Variants in WDR41 observed in about 807,000 individuals in gnomAD.
WDR41 encodes the protein WD repeat domain 41.
WDR41 carries 63 observed loss-of-function variants against 69.3 expected under a neutral mutation model. The observed-to-expected ratio is 0.91, with a 90% CI of 0.74 to 1.12. The LOEUF is 1.12. Ranked by LOEUF, WDR41 falls within the 50% of genes most tolerant of loss-of-function variation. WDR41 has a pLI of 0.00. For missense variants in WDR41, 543 were observed against 534.5 expected (o/e 1.02, Z -0.16); for synonymous variants, 185 against 192.1 (o/e 0.96, Z 0.31).
At chr5:77,508,864 C>T (rs1334132893) in intron 1 of WDR41, among the ~76,000 whole-genome samples, 2 of 152,150 alleles carry the variant, frequency 1.3e-5, no homozygotes, top group African/African-American at 4.8e-5. Flanking sequence ...GACAGTCACC[C>T]TGGAATGACT....
In WDR41 at chr5:77,442,894, CA is replaced by C. The variant is rs60442242; in HGVS notation, c.698-1898del. On this transcript the variant is annotated intron_variant, in intron 8 of 12. Coordinates refer to ENST00000296679, the MANE Select transcript of WDR41 (RefSeq NM_018268.4). Reference sequence around the variant, plus strand: ...GCGACAGAGCGAGACTCTGTCTCCCCAAAAAAAAAAAAAAAAAAAGGATTTT... The same window carrying C: ...GCGACAGAGCGAGACTCTGTCTCCCCAAAAAAAAAAAAAAAAAAGGATTTT... 1.7e-3 allele frequency among the ~76,000 whole-genome samples: 96 copies of C among 56,264 alleles called. 1 individual carries two copies. Among genetic ancestry groups the C allele is most frequent in the African/African-American group, 4.9e-3 (49 of 9,940 alleles). 36.9% of individuals were successfully genotyped at this position (56,264 alleles called of 152,430 possible). A position where few individuals can be genotyped will look rare whatever the true frequency, so the allele number is the denominator to read the frequency against.
chr5:77,601,177 A>G (rs1262121776), intron 1 of WDR41, among the ~76,000 whole-genome samples: 1 of 152,214 alleles, frequency 6.6e-6, no homozygotes, highest in Non-Finnish European at 1.5e-5. Context: ...ACTTTGGGGA[A>G]TAGTACTATA....
At chr5:77,511,001 C>A (rs950807392) in intron 1 of WDR41, among the ~76,000 whole-genome samples, 19 of 152,132 alleles carry the variant, frequency 1.2e-4, no homozygotes, top group Non-Finnish European at 2.1e-4. Context: ...AGGTGATCCA[C>A]CTGCCTTGGC....
intron 1 of WDR41, among the ~76,000 whole-genome samples, chr5:77,567,777 T>C (rs968259925): frequency 5.3e-5 from 8 of 151,702 alleles, no homozygotes; most frequent in Non-Finnish European, 1.0e-4. Flanking sequence ...TCTGACTTAA[T>C]AGGTTTGGGT....
intron 2 of WDR41, among the ~76,000 whole-genome samples, chr5:77,467,867 C>T (rs1800373081): frequency 6.6e-6 from 1 of 151,878 alleles, no homozygotes; most frequent in Admixed American, 6.6e-5. Flanking sequence ...CCCAGAATCC[C>T]TACCACACAA....
intron 1 of WDR41, among the ~76,000 whole-genome samples, chr5:77,602,096 C>A (rs552516960): frequency 1.4e-4 from 21 of 152,038 alleles, no homozygotes; most frequent in Non-Finnish European, 3.1e-4. Context: ...ATTAACCAAC[C>A]TCTCTTCATC....
At chr5:77,581,099 G>A (rs78741209) in intron 1 of WDR41, among the ~76,000 whole-genome samples, 1 of 151,992 alleles carries the variant, frequency 6.6e-6, no homozygotes, top group Non-Finnish European at 1.5e-5. Flanking sequence ...TAAAAAATAT[G>A]ATCTACAGGA....
chr5:77,596,128 A>G (rs1035258019), intron 1 of WDR41, among the ~76,000 whole-genome samples: 2 of 152,174 alleles, frequency 1.3e-5, no homozygotes, highest in African/African-American at 4.8e-5. Context: ...TTACAATAAT[A>G]TAACATTTAA....
chr5:77,595,789 T>G (rs999583231), intron 1 of WDR41, among the ~76,000 whole-genome samples: 14 of 151,934 alleles, frequency 9.2e-5, no homozygotes, highest in African/African-American at 3.4e-4. Flanking sequence ...CTAGTGGTAG[T>G]AATTTTTTTT....
intron 2 of WDR41, among the ~76,000 whole-genome samples, chr5:77,474,653 C>T (rs942925663): frequency 1.3e-5 from 2 of 152,052 alleles, no homozygotes; most frequent in African/African-American, 2.4e-5. Flanking sequence ...ATTAACATGA[C>T]TCTAACATCT....
chr5:77,461,456 A>G (rs1800054081), intron 4 of WDR41, among the ~76,000 whole-genome samples: 1 of 152,246 alleles, frequency 6.6e-6, no homozygotes, highest in Admixed American at 6.5e-5. Context: ...TAAGAGCCTA[A>G]GAAACACCTA....
intron 2 of WDR41, among the ~76,000 whole-genome samples, chr5:77,480,883 T>A (rs968497341): frequency 6.6e-6 from 1 of 152,004 alleles, no homozygotes; most frequent in Non-Finnish European, 1.5e-5. Flanking sequence ...GTGACTTCTA[T>A]TAGGTGAACC....
chr5:77,484,993 T>C (rs940394541), intron 2 of WDR41, among the ~76,000 whole-genome samples: 1 of 152,186 alleles, frequency 6.6e-6, no homozygotes, highest in Non-Finnish European at 1.5e-5. Context: ...AGCAAGGCAA[T>C]AGTACAAAGC....
At chr5:77,553,487 G>T (rs1743335650) in intron 1 of WDR41, among the ~76,000 whole-genome samples, 1 of 151,918 alleles carries the variant, frequency 6.6e-6, no homozygotes. Context: ...ATCATAATGG[G>T]GATTAAGTTT....
At chr5:77,618,606 C>T (rs1276502286) in intron 1 of WDR41, among the ~76,000 whole-genome samples, 1 of 152,164 alleles carries the variant, frequency 6.6e-6, no homozygotes, top group Non-Finnish European at 1.5e-5. Context: ...CTCCTGATCT[C>T]AAGTGATCCA....
At chr5:77,455,303 CA>C (rs1361192785) in intron 5 of WDR41, among the ~76,000 whole-genome samples, 14 of 152,224 alleles carry the variant, frequency 9.2e-5, no homozygotes, top group African/African-American at 3.1e-4. Context: ...TTCTTTCTTT[CA>C]AATCTTGTCT....
intron 1 of WDR41, among the ~76,000 whole-genome samples, chr5:77,501,378 C>T (rs571041386): frequency 9.2e-5 from 14 of 152,342 alleles, no homozygotes; most frequent in African/African-American, 3.1e-4. Context: ...CCGGGAAGCT[C>T]GAACTGGGCA....
chr5:77,580,704 A>C (rs1247765588), intron 1 of WDR41, among the ~76,000 whole-genome samples: 5 of 152,208 alleles, frequency 3.3e-5, no homozygotes, highest in South Asian at 2.1e-4. Context: ...GCGTGTAATC[A>C]CAGCACTTTG....
chr5:77,618,384 T>C (rs1285185794), intron 1 of WDR41, among the ~76,000 whole-genome samples: 1 of 151,810 alleles, frequency 6.6e-6, no homozygotes, highest in Non-Finnish European at 1.5e-5. Context: ...TTTTTTTTTC[T>C]GTTTTTGAGA....
Sources: gnomAD v4.1 joint callset for allele counts (sites outside exome capture counted in the v4.1 genomes callset) on GRCh38, gnomAD v4.1.1 for gene constraint, MANE v1.5 for transcripts, NCBI Gene and HGNC (gene_info 2026-07-23, HGNC 2026-07-21) for gene names.